MIB2: variants seen among roughly 807,000 people sequenced by gnomAD.
The protein encoded by MIB2 is MIB E3 ubiquitin protein ligase 2.
In MIB2, 78 loss-of-function variants were observed where a neutral mutation model predicts 96.6. That is an observed-to-expected ratio of 0.81 (90% CI 0.67 to 0.97). The LOEUF (loss-of-function observed/expected upper bound fraction) is 0.97. Ranked by LOEUF, MIB2 falls within the 50% of genes least tolerant of loss-of-function variation. The pLI, the probability that MIB2 is intolerant of heterozygous loss-of-function variation, is 0.00. For missense variants in MIB2, 1,543 were observed against 1,424.0 expected, an observed-to-expected ratio of 1.08 and a Z score of -1.35; for synonymous variants, 820 against 629.5, an observed-to-expected ratio of 1.30 and a Z score of -4.53.
upstream of MIB2, chr1:1,615,316 G>GTC (rs1643484624): frequency 7.2e-7 from 1 of 1,379,622 alleles, no homozygotes; most frequent in East Asian, 3.0e-5. Flanking sequence ...AACCGAGTGC[G>GTC]TCTCTAGGAC....
Position 1,627,224 on chromosome 1 carries a change from G to A in MIB2, c.1374+17G>A, listed in dbSNP as rs551525913. The A allele has an allele frequency of 2.2e-5, 35 of 1,610,536 alleles. No individual in the cohort carries two copies. In the East Asian group the frequency reaches 2.7e-4, roughly 12 times the overall value. ...CCAGAGCAGGCAAGCTCCTGACCCC[G>A]TCCTCCCATACTGGCCAGTCTGAGA... On this transcript the variant is annotated intron_variant, in intron 11 of 19. Transcript: ENST00000355826.
In MIB2 at chr1:1,630,441, C is replaced by A; in HGVS notation, c.2779C>A (p.His927Asn). Residue 927 changes from histidine to asparagine, a missense_variant, in exon 20 of 20, where the codon CAC becomes AAC. His to Asn is a moderately conservative substitution (Grantham distance 68). Transcript: ENST00000355826. ...SHIRLVFQCG[H>N]GACAPCGSAL... ...CATCCGCCTCGTGTTCCAGTGCGGC[C>A]ACGGCGCATGCGCCCCCTGCGGCTC... is the stretch of plus-strand genomic sequence containing the variant. 6.3e-7 allele frequency: 1 copy of A among 1,590,426 alleles called. No homozygotes were observed. Among genetic ancestry groups the A allele is most frequent in the Non-Finnish European group, 8.5e-7 (1 of 1,170,884 alleles).
Position 1,630,298 on chromosome 1 carries a change from C to T in MIB2, c.2636C>T (p.Ser879Phe). The T allele has an allele frequency of 2.0e-6, 3 of 1,519,376 alleles. No homozygotes were observed. The highest frequency in any genetic ancestry group is 2.6e-6 in the Non-Finnish European group (3 of 1,139,142). The allele number at this position is 1,519,376 out of a possible 1,614,324, so 94.1% of individuals were successfully genotyped here. Residue 879 changes from serine (S) to phenylalanine (F), a missense_variant, in exon 20 of 20, where the codon TCT becomes TTT. Coordinates refer to ENST00000355826, the MANE Select transcript of MIB2 (RefSeq NM_001170687.4). The stretch of plus-strand genomic sequence containing the variant: ...CCCGTCCCCCACCCCGCAGACGGCT[C>T]TGAGGTGGCGAGCGCCGCCCCCGCC... ...VVSKKLRPDG[S>F]EVASAAPAPG...
rs746413649 is a variant in MIB2 at position 1,628,348 on chromosome 1, T to G, written c.1917T>G (p.His639Gln). The G allele has an allele frequency of 1.2e-6, 2 of 1,612,784 alleles. No individual in the cohort carries two copies. The highest frequency in any genetic ancestry group is 1.7e-6 in the Non-Finnish European group (2 of 1,179,910). ...AGGAGGACGGCTTCACGGCGCTGCA[T>G]CTGGCTGCCCTCAACAACCACCGCG... is the stretch of plus-strand genomic sequence containing the variant. ...AKKEDGFTAL[H>Q]LAALNNHREV... The change falls in exon 15 of 20, where the codon CAT becomes CAG. Residue 639 changes from histidine to glutamine, a missense_variant. Coordinates refer to ENST00000355826, the MANE Select transcript of MIB2 (RefSeq NM_001170687.4).
chr1:1,627,596 C>A (rs1486882569), intron 12 of MIB2, 77 bp from the exon 13 acceptor site: 1 of 1,512,466 alleles, frequency 6.6e-7, no homozygotes, highest in Non-Finnish European at 8.8e-7. Flanking sequence ...GTCCTGGGGT[C>A]GGGCCTGGCG....
rs1557591004 is a variant in MIB2 at position 1,625,360 on chromosome 1, CT to C, written c.797del (p.Leu266ArgfsTer78). 6.3e-7 allele frequency: 1 copy of C among 1,586,510 alleles called. No homozygotes were observed. Among genetic ancestry groups the C allele is most frequent in the Non-Finnish European group, 8.6e-7 (1 of 1,167,188 alleles). ...PFQHGDKVKC[L>X]LDTDVLREMQ... Reference sequence around the variant, plus strand: ...CCAGCACGGGGACAAGGTCAAGTGTCTGCTGGACACTGATGTCCTGCGGGAG... The same window carrying C: ...CCAGCACGGGGACAAGGTCAAGTGTCGCTGGACACTGATGTCCTGCGGGAG... On this transcript the variant is annotated frameshift_variant, in exon 7 of 20. Transcript: ENST00000355826. LOFTEE classifies it high-confidence loss of function. The surrounding 1 kb of genome is among the most constrained non-coding windows in gnomAD (Gnocchi z 5.0).
intron 2 of MIB2, among the ~76,000 whole-genome samples, chr1:1,621,075 C>G (rs890982430): frequency 6.6e-6 from 1 of 152,240 alleles, no homozygotes; most frequent in Non-Finnish European, 1.5e-5. Context: ...GGCACAGATT[C>G]TCTCTGGTTC....
At chr1:1,617,118 A>C in intron 2 of MIB2, 1 of 163,290 alleles carries the variant, frequency 6.1e-6, no homozygotes. Flanking sequence ...GCTTCATCCC[A>C]CTCCGTGGGC....
At chr1:1,624,734 C>T in intron 4 of MIB2, 61 bp from the exon 5 acceptor site, 1 of 1,492,164 alleles carries the variant, frequency 6.7e-7, no homozygotes, top group South Asian at 1.2e-5. Flanking sequence ...TCCCAAGTGG[C>T]TCAAGATGGG....
At chr1:1,627,569 C>A (rs1430579524) in intron 12 of MIB2, 104 bp from the exon 13 acceptor site, 1 of 1,479,476 alleles carries the variant, frequency 6.8e-7, no homozygotes, top group Non-Finnish European at 8.9e-7. Context: ...AGGGGCCCGG[C>A]GGGGCTGAGC....
chr1:1,615,521 C>T lies in MIB2; in HGVS notation c.-242C>T, dbSNP rs1384841074. On this transcript the variant is annotated 5_prime_UTR_variant, in exon 1 of 20. Transcript: ENST00000355826. ...TCCCGCCCTTCGGGTCCCACAGTTT[C>T]CAGCCGCCGCTCTCCTCAGTGCCCG... 3.9e-6 allele frequency: 6 copies of T among 1,531,172 alleles called. No homozygotes were observed. Among genetic ancestry groups the T allele is most frequent in the Middle Eastern group, 1.9e-4 (1 of 5,304 alleles). The allele number at this position is 1,531,172 out of a possible 1,614,324, so 94.8% of individuals were successfully genotyped here. A position where few individuals can be genotyped will look rare whatever the true frequency, so the allele number is the denominator to read the frequency against.
At chr1:1,624,174 G>T in intron 4 of MIB2, 2 of 576,082 alleles carry the variant, frequency 3.5e-6, no homozygotes, top group South Asian at 2.3e-5. Flanking sequence ...CCCCAGGGCG[G>T]CATGAGACCT....
chr1:1,624,127 C>A, intron 4 of MIB2, 182 bp downstream of exon 4: 1 of 726,330 alleles, frequency 1.4e-6, no homozygotes, highest in Non-Finnish European at 2.2e-6. Context: ...CTCTGGGTGG[C>A]TCTACAGGCA....
In MIB2 at chr1:1,625,517, C is replaced by A; in HGVS notation, c.865-29C>A. 1 of 1,551,942 alleles carries A rather than the reference C, an allele frequency of 6.4e-7. No individual in the cohort carries two copies. Among genetic ancestry groups the A allele is most frequent in the Non-Finnish European group, 8.7e-7 (1 of 1,146,506 alleles). ...CTTCCTCCCCAAGCGTCCAGCCCGA[C>A]CCAGCCACAGCTCCATGACCCGCCA... is the stretch of plus-strand genomic sequence containing the variant. On this transcript the variant is annotated intron_variant, in intron 7 of 19. Transcript: ENST00000355826. This position sits in a 1 kb window ranked among gnomAD's most constrained non-coding sequence, Gnocchi z 5.0.
In MIB2 at chr1:1,627,114, G is replaced by C. The variant is rs762944243; in HGVS notation, c.1281G>C (p.Lys427Asn). Residue 427 changes from lysine (K) to asparagine (N), a missense_variant, in exon 11 of 20, where the codon AAG becomes AAC. Coordinates refer to ENST00000355826, the MANE Select transcript of MIB2 (RefSeq NM_001170687.4). ...SVALDKLRAQ[K>N]SDPEHPGRLV... ...CCCTGGACAAGCTTCGGGCCCAGAA[G>C]AGTGACCCAGAGCACCCGGGAAGGC... is the stretch of plus-strand genomic sequence containing the variant. 6.2e-7 allele frequency: 1 copy of C among 1,600,032 alleles called. No individual in the cohort carries two copies. Among genetic ancestry groups the C allele is most frequent in the Non-Finnish European group, 8.5e-7 (1 of 1,173,806 alleles).
chr1:1,628,338 C>T lies in MIB2; in HGVS notation c.1907C>T (p.Thr636Met), dbSNP rs1404287021. ...LVDAKKEDGF[T>M]ALHLAALNNH... is the part of the protein sequence containing the mutation. ...GACGCCAAGAAGGAGGACGGCTTCA[C>T]GGCGCTGCATCTGGCTGCCCTCAAC... Residue 636 changes from threonine to methionine, a missense_variant, in exon 15 of 20, where the codon ACG becomes ATG. Coordinates refer to ENST00000355826, the MANE Select transcript of MIB2 (RefSeq NM_001170687.4). 3.7e-6 allele frequency: 6 copies of T among 1,612,762 alleles called. No individual in the cohort carries two copies. Among genetic ancestry groups the T allele is most frequent in the Middle Eastern group, 1.6e-4 (1 of 6,084 alleles).
rs1337321528 is a variant in MIB2 at position 1,625,142 on chromosome 1, G to A, written c.678G>A (p.Glu226=). 6.2e-7 allele frequency: 1 copy of A among 1,612,834 alleles called. No homozygotes were observed. Among genetic ancestry groups the A allele is most frequent in the Non-Finnish European group, 8.5e-7 (1 of 1,179,636 alleles). Residue 226 remains glutamate, a synonymous_variant, in exon 6 of 20, where the codon GAG becomes GAA. Transcript: ENST00000355826. The surrounding 1 kb of genome is among the most constrained non-coding windows in gnomAD (Gnocchi z 5.0). ...KGKVDLKCVG[E]AAGGFYYKDH... ...AGGTGGACCTCAAGTGTGTGGGCGAGGCAGCGGGCGGCTTCTACTACAAGG... is the reference window on the plus strand; with the variant it reads ...AGGTGGACCTCAAGTGTGTGGGCGAAGCAGCGGGCGGCTTCTACTACAAGG...
rs117209337 is a variant in MIB2, at chr1:1,625,854, G to T, written c.972+201G>T. On this transcript the variant is annotated intron_variant, in intron 8 of 19. Transcript: ENST00000355826. The surrounding 1 kb of genome is among the most constrained non-coding windows in gnomAD (Gnocchi z 5.0). ...GGGTTGGGTGTGAAGGAACCCAGAG[G>T]AGGGTATGTCTCTGGGAGCTGGAAT... The T allele has an allele frequency of 3.3e-3, 1,939 of 592,776 alleles. 54 individuals carry two copies. The East Asian group carries it at 0.046, about 14-fold the overall frequency. The allele number at this position is 592,776 out of a possible 1,614,324, so 36.7% of individuals were successfully genotyped here. A position where few individuals can be genotyped will look rare whatever the true frequency, so the allele number is the denominator to read the frequency against.
intron 2 of MIB2, among the ~76,000 whole-genome samples, chr1:1,621,463 G>T (rs1319080148): frequency 6.6e-6 from 1 of 152,258 alleles, no homozygotes; most frequent in African/African-American, 2.4e-5. Flanking sequence ...GGAAGCCCCG[G>T]TGCTGGAGCC....
Sources: gnomAD v4.1 joint callset for allele counts (sites outside exome capture counted in the v4.1 genomes callset) on GRCh38, gnomAD v4.1.1 for gene constraint, Gnocchi (gnomAD v3.1) non-coding constraint, MANE v1.5 for transcripts, NCBI Gene and HGNC (gene_info 2026-07-23, HGNC 2026-07-21) for gene names.